The following B3GNT8 variants were observed in gnomAD, a reference collection of about 807,000 sequenced individuals.
The protein encoded by B3GNT8 is UDP-GlcNAc:betaGal beta-1,3-N-acetylglucosaminyltransferase 8.
For missense variants in B3GNT8, 502 were observed against 530.5 expected, an observed-to-expected ratio of 0.95 and a Z score of 0.53; for synonymous variants, 258 against 238.3, an observed-to-expected ratio of 1.08 and a Z score of -0.76.
rs1254522548 is a variant in B3GNT8 at position 41,426,464 on chromosome 19, G to GAT, written c.313_314dup (p.Pro106SerfsTer63). 2.5e-5 allele frequency: 40 copies of GAT among 1,606,254 alleles called. No homozygotes were observed. The highest frequency in any genetic ancestry group is 3.2e-5 in the Non-Finnish European group (38 of 1,177,082). ...CCTTGGGGTAGGAGGCGAAGTCAGG[G>GAT]ATCTCGGTGGCGGCGGCGGCCCCCC... On this transcript the variant is annotated frameshift_variant, in exon 2 of 2. Coordinates refer to ENST00000691102, the MANE Select transcript of B3GNT8 (RefSeq NM_001385648.2). LOFTEE classifies it low-confidence loss of function (END_TRUNC). This position sits in a 1 kb window ranked among gnomAD's most constrained non-coding sequence, Gnocchi z 4.9.
In B3GNT8 at chr19:41,426,718, CTT is replaced by C; in HGVS notation, c.59_60del (p.Lys20SerfsTer31). ...LSALLTLLGL[K>X]VYIEWTSESR... ...GACTCGGATGTCCACTCGATGTACA[CTT>C]TGAGGCCCAGGAGTGTGAGCAGTGC... is the stretch of plus-strand genomic sequence containing the variant. On this transcript the variant is annotated frameshift_variant, in exon 2 of 2. Transcript: ENST00000691102. LOFTEE classifies it low-confidence loss of function (END_TRUNC). This position sits in a 1 kb window ranked among gnomAD's most constrained non-coding sequence, Gnocchi z 4.9. 1.2e-6 allele frequency: 2 copies of C among 1,613,520 alleles called. No homozygotes were observed. The highest frequency in any genetic ancestry group is 1.7e-6 in the Non-Finnish European group (2 of 1,179,940).
At position 41,425,969 on chromosome 19, in the gene B3GNT8, G is replaced by A. The variant is rs1229277546; in HGVS notation, c.810C>T (p.Ser270=). ...LRALPPASAR[S]LYLGEVFTQA... Reference sequence around the variant, plus strand: ...GGGTAAAGACCTCACCCAGGTAGAGGCTTCGGGCCGAGGCAGGTGGCAGGG... The same window carrying A: ...GGGTAAAGACCTCACCCAGGTAGAGACTTCGGGCCGAGGCAGGTGGCAGGG... The change falls in exon 2 of 2, where the codon AGC becomes AGT. Residue 270 remains serine, a synonymous_variant. Coordinates refer to ENST00000691102, the MANE Select transcript of B3GNT8 (RefSeq NM_001385648.2). The A allele has an allele frequency of 6.2e-7, 1 of 1,612,724 alleles. No homozygotes were observed. The highest frequency in any genetic ancestry group is 1.7e-5 in the Admixed American group (1 of 60,004).
chr19:41,426,511 C>G lies in B3GNT8; in HGVS notation c.268G>C (p.Glu90Gln). ...CCCCAAGCCTGGCAGCCCCCCGTTT[C>G]AGTGCTGTCCCCACTGGGCAGGGAC... ...LGSLPSGDST[E>Q]TGGCQAWGAA... Residue 90 changes from glutamate to glutamine, a missense_variant, in exon 2 of 2, where the codon GAA becomes CAA. Coordinates refer to ENST00000691102, the MANE Select transcript of B3GNT8 (RefSeq NM_001385648.2). This position sits in a 1 kb window ranked among gnomAD's most constrained non-coding sequence, Gnocchi z 4.9. The G allele has an allele frequency of 6.3e-7, 1 of 1,593,836 alleles. No homozygotes were observed. The highest frequency in any genetic ancestry group is 8.5e-7 in the Non-Finnish European group (1 of 1,169,924).
upstream of B3GNT8, among the ~76,000 whole-genome samples, chr19:41,428,058 AAAGAT>A (rs2039453536): frequency 6.6e-6 from 1 of 151,648 alleles, no homozygotes; most frequent in African/African-American, 2.4e-5. This position sits in a 1 kb window ranked among gnomAD's most constrained non-coding sequence, Gnocchi z 6.1. Context: ...AGATGGCGAG[AAAGAT>A]AAGGGGTTGC....
Position 41,426,370 on chromosome 19 carries a change from T to C in B3GNT8, c.409A>G (p.Ser137Gly), listed in dbSNP as rs284662. The change falls in exon 2 of 2, where the codon AGC (serine) becomes GGC (glycine). Residue 137 changes from serine (S) to glycine (G), a missense_variant. Ser to Gly is a moderately conservative substitution (Grantham distance 56, BLOSUM62 0). Transcript: ENST00000691102. The surrounding 1 kb of genome is among the most constrained non-coding windows in gnomAD (Gnocchi z 4.9). ...FPQWLPGGGG[S>G]QVSSCSDTDV... is the part of the protein sequence containing the mutation. ...GTATCTGAGCAGCTGGAGACTTGGC[T>C]GCCACCACCTCCAGGCAGCCACTGT... 0.62 allele frequency: 998,256 copies of C among 1,612,466 alleles called. 312,729 individuals carry two copies. Among genetic ancestry groups the C allele is most frequent in the African/African-American group, 0.83 (62,527 of 74,952 alleles).
Position 41,427,244 on chromosome 19 carries a change from C to G in B3GNT8, c.-33+40G>C, listed in dbSNP as rs1199830792. The stretch of plus-strand genomic sequence containing the variant: ...CAGCCTGCCTCCCGCAACACCCCAA[C>G]CCCAGGGACTGGGGAACCAGGGATC... On this transcript the variant is annotated intron_variant, in intron 1 of 1. Transcript: ENST00000691102. The surrounding 1 kb of genome is among the most constrained non-coding windows in gnomAD (Gnocchi z 5.6). 1 of 185,338 alleles carries G rather than the reference C, an allele frequency of 5.4e-6. No homozygotes were observed. Among genetic ancestry groups the G allele is most frequent in the Non-Finnish European group, 1.2e-5 (1 of 86,846 alleles). 11.5% of individuals were successfully genotyped at this position (185,338 alleles called of 1,614,324 possible).
rs1459082549 is a variant in B3GNT8 at position 41,427,331 on chromosome 19, C to G, written c.-80G>C. 2 of 172,298 alleles carry G rather than the reference C, an allele frequency of 1.2e-5. No homozygotes were observed. The highest frequency in any genetic ancestry group is 2.5e-5 in the Non-Finnish European group (2 of 78,618). 10.7% of individuals were successfully genotyped at this position (172,298 alleles called of 1,614,324 possible). A position where few individuals can be genotyped will look rare whatever the true frequency, so the allele number is the denominator to read the frequency against. ...CTCCGGGTGCCGGCCTCAGGTCAGG[C>G]CTCCCTCAGCTCCCTCTGATCTGCC... On this transcript the variant is annotated 5_prime_UTR_variant, in exon 1 of 2. Transcript: ENST00000691102. The surrounding 1 kb of genome is among the most constrained non-coding windows in gnomAD (Gnocchi z 5.6).
At position 41,426,165 on chromosome 19, in the gene B3GNT8, C is replaced by A; in HGVS notation, c.614G>T (p.Arg205Leu). Residue 205 changes from arginine to leucine, a missense_variant, in exon 2 of 2, where the codon CGC (arginine) becomes CTC (leucine). Transcript: ENST00000691102. This position sits in a 1 kb window ranked among gnomAD's most constrained non-coding sequence, Gnocchi z 4.9. ...LDSLVAWESR[R>L]YSDLLLWDFL... is the part of the protein sequence containing the mutation. ...GTCCCAGAGCAGCAGGTCACTGTAG[C>A]GACGGCTCTCCCAGGCCACTAGTGA... is the stretch of plus-strand genomic sequence containing the variant. The A allele has an allele frequency of 6.2e-7, 1 of 1,613,828 alleles. No homozygotes were observed. Among genetic ancestry groups the A allele is most frequent in the East Asian group, 2.2e-5 (1 of 44,874 alleles).
At position 41,426,671 on chromosome 19, in the gene B3GNT8, G is replaced by A. The variant is rs759144862; in HGVS notation, c.108C>T (p.Pro36=). 10 of 1,613,766 alleles carry A rather than the reference G, an allele frequency of 6.2e-6. No individual in the cohort carries two copies. Among genetic ancestry groups the A allele is most frequent in the Non-Finnish European group, 8.5e-6 (10 of 1,179,932 alleles). ...TSESRLSKAY[P]SPRGTPPSPT... ...GGCTTGGCGGGGTGCCCCGAGGGCT[G>A]GGGTAGGCCTTGCTGAGCCGGGACT... is the stretch of plus-strand genomic sequence containing the variant. The change falls in exon 2 of 2, where the codon CCC becomes CCT. Residue 36 remains proline (P), a synonymous_variant. Transcript: ENST00000691102. The surrounding 1 kb of genome is among the most constrained non-coding windows in gnomAD (Gnocchi z 4.9).
chr19:41,426,342 T>G lies in B3GNT8; in HGVS notation c.437A>C (p.Asp146Ala), dbSNP rs1401996394. Residue 146 changes from aspartate (D) to alanine (A), a missense_variant, in exon 2 of 2, where the codon GAT becomes GCT. By Grantham distance (126) the Asp-to-Ala change is moderately radical. Transcript: ENST00000691102. This position sits in a 1 kb window ranked among gnomAD's most constrained non-coding sequence, Gnocchi z 4.9. The stretch of plus-strand genomic sequence containing the variant: ...GACGGCCAACAGCAGGTAGGGGACA[T>G]CAGTATCTGAGCAGCTGGAGACTTG... ...GSQVSSCSDT[D>A]VPYLLLAVKS... The G allele has an allele frequency of 6.2e-7, 1 of 1,613,138 alleles. No homozygotes were observed. The highest frequency in any genetic ancestry group is 1.3e-5 in the African/African-American group (1 of 74,904).
chr19:41,425,676 G>A lies in B3GNT8; in HGVS notation c.1103C>T (p.Ala368Val). Residue 368 changes from alanine to valine, a missense_variant, in exon 2 of 2, where the codon GCT becomes GTT. Physicochemically the swap from Ala to Val is moderately conservative, Grantham distance 64. Coordinates refer to ENST00000691102, the MANE Select transcript of B3GNT8 (RefSeq NM_001385648.2). ...WPADRTADHC[A>V]FRNLLLVRPL... is the part of the protein sequence containing the mutation. ...CCGTACCAGCAGCAGGTTGCGGAAAGCACAGTGGTCCGCAGTGCGGTCTGC... is the reference window on the plus strand; with the variant it reads ...CCGTACCAGCAGCAGGTTGCGGAAAACACAGTGGTCCGCAGTGCGGTCTGC... 6.5e-7 allele frequency: 1 copy of A among 1,537,462 alleles called. No individual in the cohort carries two copies. Among genetic ancestry groups the A allele is most frequent in the Non-Finnish European group, 8.7e-7 (1 of 1,143,836 alleles).
chr19:41,426,691 G>A lies in B3GNT8; in HGVS notation c.88C>T (p.Arg30Trp), dbSNP rs7249410. Residue 30 changes from arginine (R) to tryptophan (W), a missense_variant, in exon 2 of 2, where the codon CGG (arginine) becomes TGG (tryptophan). Transcript: ENST00000691102. The surrounding 1 kb of genome is among the most constrained non-coding windows in gnomAD (Gnocchi z 4.9). ...KVYIEWTSES[R>W]LSKAYPSPRG... ...GGGCTGGGGTAGGCCTTGCTGAGCCGGGACTCGGATGTCCACTCGATGTAC... is the reference window on the plus strand; with the variant it reads ...GGGCTGGGGTAGGCCTTGCTGAGCCAGGACTCGGATGTCCACTCGATGTAC... 4.5e-4 allele frequency: 727 copies of A among 1,613,738 alleles called. 3 individuals are homozygous for A. In the African/African-American group the frequency reaches 6.3e-3, roughly 14 times the overall value.
upstream of B3GNT8, among the ~76,000 whole-genome samples, chr19:41,427,999 A>G (rs543802903): frequency 4.0e-5 from 6 of 149,840 alleles, no homozygotes; most frequent in East Asian, 1.2e-3. The surrounding 1 kb of genome is among the most constrained non-coding windows in gnomAD (Gnocchi z 5.6). Context: ...GAGAGAGAGA[A>G]GACGGGCAAG....
chr19:41,425,553 C>CAGGGCCGGGGCG lies in B3GNT8; in HGVS notation c.*31_*32insCGCCCCGGCCCT. 1 of 1,454,832 alleles carries CAGGGCCGGGGCG rather than the reference C, an allele frequency of 6.9e-7. No individual in the cohort carries two copies. The highest frequency in any genetic ancestry group is 9.1e-7 in the Non-Finnish European group (1 of 1,100,220). 90.1% of individuals were successfully genotyped at this position (1,454,832 alleles called of 1,614,324 possible). A position where few individuals can be genotyped will look rare whatever the true frequency, so the allele number is the denominator to read the frequency against. On this transcript the variant is annotated 3_prime_UTR_variant, in exon 2 of 2. Transcript: ENST00000691102. ...AGGGGCCGGCCCCAGAGGCCCAGGC[C>CAGGGCCGGGGCG]AGGTCAGCACCTCCGCCCTCCCCAA...
Position 41,425,856 on chromosome 19 carries a change from C to A in B3GNT8, c.923G>T (p.Gly308Val), listed in dbSNP as rs1328546788. ...CAGGCGCCCGGCAATGACGTAGCCA[C>A]CCCCGCTTGCATAGGCTGGGTAGCC... The part of the protein sequence containing the change: ...EGGYPAYASG[G>V]GYVIAGRLAP... Residue 308 changes from glycine to valine, a missense_variant, in exon 2 of 2, where the codon GGT becomes GTT. Coordinates refer to ENST00000691102, the MANE Select transcript of B3GNT8 (RefSeq NM_001385648.2). 1 of 1,613,048 alleles carries A rather than the reference C, an allele frequency of 6.2e-7. No homozygotes were observed. The highest frequency in any genetic ancestry group is 8.5e-7 in the Non-Finnish European group (1 of 1,179,990).
chr19:41,428,025 G>A (rs114281369), upstream of B3GNT8, among the ~76,000 whole-genome samples: 463 of 151,888 alleles, frequency 3.0e-3, 6 homozygotes, highest in African/African-American at 0.01. The surrounding 1 kb of genome is among the most constrained non-coding windows in gnomAD (Gnocchi z 6.1). Flanking sequence ...AGGTGGCCAG[G>A]AGGGAGAGGG....
chr19:41,426,727 C>G lies in B3GNT8; in HGVS notation c.52G>C (p.Gly18Arg). The G allele has an allele frequency of 6.2e-7, 1 of 1,613,344 alleles. No individual in the cohort carries two copies. ...LCLSALLTLL[G>R]LKVYIEWTSE... The stretch of plus-strand genomic sequence containing the variant: ...GTCCACTCGATGTACACTTTGAGGC[C>G]CAGGAGTGTGAGCAGTGCTGACAGG... Residue 18 changes from glycine to arginine, a missense_variant, in exon 2 of 2, where the codon GGC becomes CGC. By Grantham distance (125) the Gly-to-Arg change is moderately radical. Coordinates refer to ENST00000691102, the MANE Select transcript of B3GNT8 (RefSeq NM_001385648.2). This position sits in a 1 kb window ranked among gnomAD's most constrained non-coding sequence, Gnocchi z 4.9.
chr19:41,427,629 AG>A, upstream of B3GNT8: 1 of 91,242 alleles, frequency 1.1e-5, no homozygotes, highest in South Asian at 3.5e-4. This position sits in a 1 kb window ranked among gnomAD's most constrained non-coding sequence, Gnocchi z 5.6. Context: ...GAGGCCTGGG[AG>A]GGGAGAACCA....
chr19:41,427,982 A>AG (rs781662463), upstream of B3GNT8, among the ~76,000 whole-genome samples: 3 of 143,774 alleles, frequency 2.1e-5, no homozygotes, highest in Non-Finnish European at 4.5e-5. The surrounding 1 kb of genome is among the most constrained non-coding windows in gnomAD (Gnocchi z 5.6). Flanking sequence ...GAGAGAGCTG[A>AG]GGGGGAGAGA....
Sources: gnomAD v4.1 joint callset for allele counts (sites outside exome capture counted in the v4.1 genomes callset) on GRCh38, gnomAD v4.1.1 for gene constraint, Gnocchi (gnomAD v3.1) non-coding constraint, MANE v1.5 for transcripts, NCBI Gene and HGNC (gene_info 2026-07-23, HGNC 2026-07-21) for gene names.